Variants in UGT3A1 observed in about 807,000 individuals in gnomAD.
UGT3A1 encodes UDP glycosyltransferase family 3 member A1, also known as UDP-glycosyltransferase 3A1.
A neutral mutation model predicts 37.6 loss-of-function variants in UGT3A1; 40 were observed. That is an observed-to-expected ratio of 1.06 (90% CI 0.83 to 1.38). The LOEUF (loss-of-function observed/expected upper bound fraction) is 1.38, where lower values mean the gene tolerates loss of function less well. Ranked by LOEUF, UGT3A1 falls within the 40% of genes most tolerant of loss-of-function variation. The pLI is 0.00. For synonymous variants in UGT3A1, 256 were observed against 232.3 expected, an observed-to-expected ratio of 1.10 and a Z score of -0.93; for missense variants, 642 against 634.2, an observed-to-expected ratio of 1.01 and a Z score of -0.13.
intron 1 of UGT3A1, among the ~76,000 whole-genome samples, chr5:35,997,837 C>T (rs1741132546): frequency 6.6e-6 from 1 of 152,248 alleles, no homozygotes; most frequent in African/African-American, 2.4e-5. Context: ...TTTACTCAAA[C>T]AGTTAGCCAT....
chr5:35,960,349 T>C (rs908817074), intron 4 of UGT3A1, among the ~76,000 whole-genome samples: 2 of 152,204 alleles, frequency 1.3e-5, no homozygotes, highest in Non-Finnish European at 2.9e-5. Context: ...ACCAGTGGAA[T>C]AGAAGACTGA....
At position 35,957,196 on chromosome 5, in the gene UGT3A1, T is replaced by A. The variant is rs550763740; in HGVS notation, c.1067A>T (p.Asp356Val). 2.8e-4 allele frequency: 447 copies of A among 1,613,846 alleles called. 5 individuals carry two copies. The South Asian group carries it at 4.7e-3, about 17-fold the overall frequency. ...ACCTAAGCAGTCCTTACCCAGGAGG[T>A]CACTCTGAGGAAGCCAGTCCACAAT... ...VKIVDWLPQS[D>V]LLAHPSIRLF... The change falls in exon 5 of 7, where the codon GAC (aspartate) becomes GTC (valine). Residue 356 changes from aspartate to valine, a missense_variant. Asp to Val is a radical substitution (Grantham distance 152). Transcript: ENST00000274278.
At chr5:35,966,963 A>T (rs1580930550) in intron 3 of UGT3A1, among the ~76,000 whole-genome samples, 2 of 152,250 alleles carry the variant, frequency 1.3e-5, no homozygotes, top group East Asian at 3.8e-4. Context: ...TTTTACATAA[A>T]GAATGATTTT....
rs1210785904 is a variant in UGT3A1 at position 35,952,591 on chromosome 5, T to C, written c.*1611A>G. Reference sequence around the variant, plus strand: ...TGTTCTGGGGTGAGGGGGGAGTTACTGGCCAGGGAGGCTTATCCCTAAGAC... The same window carrying C: ...TGTTCTGGGGTGAGGGGGGAGTTACCGGCCAGGGAGGCTTATCCCTAAGAC... On this transcript the variant is annotated 3_prime_UTR_variant, in exon 7 of 7. Coordinates refer to ENST00000274278, the MANE Select transcript of UGT3A1 (RefSeq NM_152404.4). 1 of 152,218 alleles carries C rather than the reference T, an allele frequency of 6.6e-6. No homozygotes were observed. The highest frequency in any genetic ancestry group is 2.4e-5 in the African/African-American group (1 of 41,442). 9.4% of individuals were successfully genotyped at this position (152,218 alleles called of 1,614,324 possible).
chr5:36,000,701 C>T (rs1741204231), intron 1 of UGT3A1, among the ~76,000 whole-genome samples: 2 of 152,184 alleles, frequency 1.3e-5, no homozygotes, highest in South Asian at 4.1e-4. Flanking sequence ...AAAGGAATGC[C>T]TGTGTTTATT....
At chr5:35,956,375 T>G (rs981123819) in intron 5 of UGT3A1, among the ~76,000 whole-genome samples, 17 of 152,238 alleles carry the variant, frequency 1.1e-4, no homozygotes, top group African/African-American at 3.9e-4. Flanking sequence ...TCTGTGTTTC[T>G]CAACAGAAAT....
intron 2 of UGT3A1, among the ~76,000 whole-genome samples, chr5:35,980,112 A>G (rs916409572): frequency 5.9e-5 from 9 of 152,222 alleles, no homozygotes; most frequent in African/African-American, 2.2e-4. Flanking sequence ...CAAATTGTAT[A>G]CTTTACATAT....
chr5:35,976,493 T>A (rs911721200), intron 2 of UGT3A1, among the ~76,000 whole-genome samples: 10 of 152,256 alleles, frequency 6.6e-5, no homozygotes, highest in African/African-American at 2.2e-4. Flanking sequence ...GTCAATTTTT[T>A]AAAAAGTTAA....
At position 35,957,182 on chromosome 5, in the gene UGT3A1, C is replaced by T. The variant is rs373003237; in HGVS notation, c.1075+6G>A. On this transcript the variant is annotated splice_donor_region_variant and intron_variant, in intron 5 of 6. Coordinates refer to ENST00000274278, the MANE Select transcript of UGT3A1 (RefSeq NM_152404.4). ...AAAGAGAAGAGCAGACCTAAGCAGT[C>T]CTTACCCAGGAGGTCACTCTGAGGA... The T allele has an allele frequency of 6.2e-6, 10 of 1,612,838 alleles. No homozygotes were observed. Among genetic ancestry groups the T allele is most frequent in the African/African-American group, 1.3e-5 (1 of 74,894 alleles).
chr5:35,961,854 A>G (rs574700608), intron 4 of UGT3A1: 9 of 152,322 alleles, frequency 5.9e-5, no homozygotes, highest in African/African-American at 2.2e-4. Flanking sequence ...ATACGGGGGT[A>G]TGCTTTACCA....
intron 2 of UGT3A1, 31 bp from the exon 3 acceptor site, chr5:35,968,164 A>G: frequency 7.5e-7 from 1 of 1,326,510 alleles, no homozygotes; most frequent in South Asian, 1.2e-5. Context: ...TAAAAAGGTA[A>G]ATATATCATA....
intron 2 of UGT3A1, among the ~76,000 whole-genome samples, chr5:35,970,835 T>A (rs1318745090): frequency 6.6e-6 from 1 of 152,170 alleles, no homozygotes; most frequent in Non-Finnish European, 1.5e-5. Context: ...AAATCCCAAT[T>A]TGGACTATTT....
Position 35,957,098 on chromosome 5 carries a change from T to C in UGT3A1, c.1075+90A>G, listed in dbSNP as rs528529530. 106 of 1,057,778 alleles carry C rather than the reference T, an allele frequency of 1.0e-4. No homozygotes were observed. The East Asian group carries it at 2.3e-3, about 23-fold the overall frequency. 65.5% of individuals were successfully genotyped at this position (1,057,778 alleles called of 1,614,324 possible). On this transcript the variant is annotated intron_variant, in intron 5 of 6. Transcript: ENST00000274278. ...ACCTATGAGTAGCTACTACGTAGGC[T>C]GATACAAATGCCCAGCTAGAGGTCA...
intron 3 of UGT3A1, among the ~76,000 whole-genome samples, chr5:35,967,765 T>C (rs893602187): frequency 5.3e-5 from 8 of 152,124 alleles, no homozygotes; most frequent in Admixed American, 4.6e-4. Context: ...CACTATAGAC[T>C]CAATTGTTGG....
chr5:35,986,996 A>G (rs920477419), intron 2 of UGT3A1, among the ~76,000 whole-genome samples: 5 of 152,154 alleles, frequency 3.3e-5, no homozygotes, highest in South Asian at 2.1e-4. Context: ...AAGGAAAAAG[A>G]GTCAGAACCT....
intron 2 of UGT3A1, among the ~76,000 whole-genome samples, chr5:35,981,125 A>T (rs1401799557): frequency 1.3e-5 from 2 of 152,220 alleles, no homozygotes; most frequent in African/African-American, 4.8e-5. Context: ...GCTTGGAGAA[A>T]AGTATACCAG....
intron 3 of UGT3A1, 40 bp from the exon 4 acceptor site, chr5:35,965,957 G>T: frequency 7.1e-7 from 1 of 1,411,860 alleles, no homozygotes; most frequent in Non-Finnish European, 9.4e-7. Flanking sequence ...TTGGGAAAGT[G>T]TAATTTTACA....
rs139612103 is a variant in UGT3A1, at chr5:35,966,473, G to A, written c.312-556C>T. On this transcript the variant is annotated intron_variant, in intron 3 of 6. Transcript: ENST00000274278. ...AACGAGATTTTTCTTCCTAGCCTAG[G>A]AGTTAAACAGTAAAAAATAAAATAA... Among the ~76,000 whole-genome samples the A allele has an allele frequency of 2.6e-3, 398 of 152,200 alleles. 4 individuals are homozygous for A. Among genetic ancestry groups the A allele is most frequent in the African/African-American group, 9.4e-3 (391 of 41,502 alleles).
chr5:35,991,619 A>G (rs1276413781), upstream of UGT3A1: 3 of 1,012,546 alleles, frequency 3.0e-6, no homozygotes, highest in African/African-American at 5.2e-5. Flanking sequence ...TCCCCAAGGA[A>G]ACCACCTGTC....
Sources: gnomAD v4.1 joint callset for allele counts (sites outside exome capture counted in the v4.1 genomes callset) on GRCh38, gnomAD v4.1.1 for gene constraint, MANE v1.5 for transcripts, NCBI Gene and HGNC (gene_info 2026-07-23, HGNC 2026-07-21) for gene names.